Variants in SLC25A13 observed in about 807,000 individuals in gnomAD.
SLC25A13 encodes solute carrier family 25 member 13.
A neutral mutation model predicts 85.5 loss-of-function variants in SLC25A13; 70 were observed. The observed-to-expected ratio is 0.82, with a 90% CI of 0.68 to 1.00. The LOEUF is 1.00. SLC25A13 is among the 50% of genes least tolerant of loss of function. The pLI is 0.00. For missense variants in SLC25A13, 765 were observed against 819.8 expected, an observed-to-expected ratio of 0.93 and a Z score of 0.82; for synonymous variants, 259 against 288.7, an observed-to-expected ratio of 0.90 and a Z score of 1.04.
chr7:96,313,812 G>A (rs1197909856), intron 1 of SLC25A13, among the ~76,000 whole-genome samples: 1 of 151,320 alleles, frequency 6.6e-6, no homozygotes, highest in Non-Finnish European at 1.5e-5. Flanking sequence ...AAGAAAGTAA[G>A]ACCCTTTGTT....
chr7:96,293,353 C>G (rs1048075884), intron 2 of SLC25A13, among the ~76,000 whole-genome samples: 8 of 152,178 alleles, frequency 5.3e-5, no homozygotes, highest in Non-Finnish European at 8.8e-5. Context: ...CAATACCATT[C>G]AGGACACAGG....
At chr7:96,154,037 A>T (rs1793153110) in intron 13 of SLC25A13, among the ~76,000 whole-genome samples, 1 of 152,232 alleles carries the variant, frequency 6.6e-6, no homozygotes. Flanking sequence ...TTTCCTAAAA[A>T]TGATTATAAC....
intron 10 of SLC25A13, 119 bp downstream of exon 10, chr7:96,184,808 A>C: frequency 1.1e-6 from 1 of 884,366 alleles, no homozygotes; most frequent in South Asian, 1.4e-5. Flanking sequence ...GTAGAAACTG[A>C]TAACTGGCAT....
intron 12 of SLC25A13, 135 bp downstream of exon 12, chr7:96,171,337 G>C (rs926025587): frequency 3.9e-6 from 3 of 769,200 alleles, no homozygotes; most frequent in Non-Finnish European, 6.8e-6. Flanking sequence ...AAAAATGTGT[G>C]TGGTGAGTTC....
At chr7:96,126,099 A>C (rs1208435967) in intron 15 of SLC25A13, among the ~76,000 whole-genome samples, 1 of 152,124 alleles carries the variant, frequency 6.6e-6, no homozygotes, top group African/African-American at 2.4e-5. Context: ...TATTATATAC[A>C]AATGTTGTGG....
At chr7:96,269,393 T>C (rs1430415535) in intron 3 of SLC25A13, among the ~76,000 whole-genome samples, 2 of 152,114 alleles carry the variant, frequency 1.3e-5, no homozygotes, top group Non-Finnish European at 2.9e-5. Flanking sequence ...CACACATAGG[T>C]GAAGTCTTTA....
chr7:96,310,966 A>ATTACCCAT (rs1400432487), intron 1 of SLC25A13, among the ~76,000 whole-genome samples: 1 of 152,190 alleles, frequency 6.6e-6, no homozygotes, highest in Non-Finnish European at 1.5e-5. Flanking sequence ...CTACATCACC[A>ATTACCCAT]TTACCCATTT....
chr7:96,263,471 G>C (rs972513523), intron 3 of SLC25A13, among the ~76,000 whole-genome samples: 11 of 152,122 alleles, frequency 7.2e-5, no homozygotes, highest in African/African-American at 2.4e-4. Context: ...TACGTGTAGG[G>C]ATGAGCTTTC....
intron 14 of SLC25A13, among the ~76,000 whole-genome samples, chr7:96,142,746 T>C (rs1463127344): frequency 6.6e-6 from 1 of 152,190 alleles, no homozygotes; most frequent in Non-Finnish European, 1.5e-5. Context: ...TACTTGATTT[T>C]TTTGAAATAT....
At chr7:96,243,342 T>G (rs1325720467) in intron 3 of SLC25A13, among the ~76,000 whole-genome samples, 1 of 152,182 alleles carries the variant, frequency 6.6e-6, no homozygotes, top group Non-Finnish European at 1.5e-5. Flanking sequence ...CCCCAGGCAC[T>G]AAGGATACCT....
chr7:96,175,618 G>A (rs1014076732), intron 11 of SLC25A13, among the ~76,000 whole-genome samples: 10 of 152,212 alleles, frequency 6.6e-5, no homozygotes, highest in Non-Finnish European at 1.5e-4. Context: ...ACTCCAGCCT[G>A]TGCTCTTACC....
intron 13 of SLC25A13, among the ~76,000 whole-genome samples, chr7:96,165,423 C>G (rs1484791459): frequency 6.6e-6 from 1 of 152,160 alleles, no homozygotes; most frequent in Non-Finnish European, 1.5e-5. Context: ...TAAATGAATA[C>G]ACTGTTCCAA....
intron 5 of SLC25A13, among the ~76,000 whole-genome samples, chr7:96,208,182 T>C (rs2116714138): frequency 6.6e-6 from 1 of 152,208 alleles, no homozygotes; most frequent in Non-Finnish European, 1.5e-5. Context: ...ACACAGCGAG[T>C]CACAAGCCAA....
At chr7:96,318,602 A>T (rs1335343588) in intron 1 of SLC25A13, among the ~76,000 whole-genome samples, 1 of 152,250 alleles carries the variant, frequency 6.6e-6, no homozygotes, top group Non-Finnish European at 1.5e-5. Context: ...AGTAATCTTC[A>T]TAGCAAAATT....
intron 1 of SLC25A13, among the ~76,000 whole-genome samples, chr7:96,300,792 T>C (rs781204145): frequency 6.6e-6 from 1 of 152,172 alleles, no homozygotes; most frequent in East Asian, 1.9e-4. Context: ...TAAGGATAGA[T>C]AAGTATGGTT....
chr7:96,197,862 T>TA (rs1194999644), intron 5 of SLC25A13, among the ~76,000 whole-genome samples: 1 of 151,972 alleles, frequency 6.6e-6, no homozygotes, highest in African/African-American at 2.4e-5. Flanking sequence ...GACTATCAAG[T>TA]AAAAAAAATA....
intron 2 of SLC25A13, among the ~76,000 whole-genome samples, chr7:96,292,901 A>G (rs1409518599): frequency 6.6e-6 from 1 of 152,210 alleles, no homozygotes; most frequent in African/African-American, 2.4e-5. Context: ...GCTACCAATG[A>G]CTTTCTTCAC....
chr7:96,290,021 G>A (rs1305462272), intron 2 of SLC25A13, among the ~76,000 whole-genome samples: 2 of 152,158 alleles, frequency 1.3e-5, no homozygotes, highest in African/African-American at 4.8e-5. Context: ...GAAAGGTCGG[G>A]TTACCCACAA....
At chr7:96,124,365 A>T (rs1448434631) in intron 15 of SLC25A13, among the ~76,000 whole-genome samples, 1 of 152,218 alleles carries the variant, frequency 6.6e-6, no homozygotes, top group Non-Finnish European at 1.5e-5. Flanking sequence ...TTAATACGTC[A>T]GCTTCTAAAA....
Sources: allele counts gnomAD v4.1 joint callset (sites outside exome capture counted in the v4.1 genomes callset), GRCh38; gene constraint gnomAD v4.1.1; transcripts MANE v1.5; gene names NCBI Gene and HGNC (gene_info 2026-07-23, HGNC 2026-07-21).